Variants in ZSCAN29 observed in about 807,000 individuals in gnomAD.
ZSCAN29 encodes the protein zinc finger and SCAN domain containing 29.
ZSCAN29 carries 55 observed loss-of-function variants against 71.9 expected under a neutral mutation model. That is an observed-to-expected ratio of 0.76 (90% CI 0.62 to 0.96). The LOEUF is 0.96. ZSCAN29 is among the 40% of genes least tolerant of loss of function. The probability of loss-of-function intolerance (pLI) is 0.00; values close to 1 mark genes in which losing one functional copy is unlikely to be tolerated. For synonymous variants in ZSCAN29, 351 were observed against 371.6 expected (o/e 0.94, Z 0.64); for missense variants, 1,042 against 1,042.2 (o/e 1.00, Z 0.00).
rs1402904724 is a variant in ZSCAN29, at chr15:43,359,713, C to T, written c.*1360G>A. ...TGTCACCACATGCAGCTGCGTTGCT[C>T]TGTGGAACTTCTGGACCACAAGAGA... is the stretch of plus-strand genomic sequence containing the variant. On this transcript the variant is annotated 3_prime_UTR_variant, in exon 6 of 6. Coordinates refer to ENST00000684362, the MANE Select transcript of ZSCAN29 (RefSeq NM_001372080.1). 2 of 152,256 alleles carry T rather than the reference C, an allele frequency of 1.3e-5. No individual in the cohort carries two copies. The highest frequency in any genetic ancestry group is 4.8e-5 in the African/African-American group (2 of 41,456). The allele number at this position is 152,256 out of a possible 1,614,324, so 9.4% of individuals were successfully genotyped here.
Position 43,360,998 on chromosome 15 carries a change from G to A in ZSCAN29, c.*75C>T. The stretch of plus-strand genomic sequence containing the variant: ...TAAGCTAACTGGACACAGAATAGTA[G>A]ATGAATCTCACTATTGGAAGACTTT... On this transcript the variant is annotated 3_prime_UTR_variant, in exon 6 of 6. Coordinates refer to ENST00000684362, the MANE Select transcript of ZSCAN29 (RefSeq NM_001372080.1). 1 of 1,479,800 alleles carries A rather than the reference G, an allele frequency of 6.8e-7. No homozygotes were observed. Among genetic ancestry groups the A allele is most frequent in the South Asian group, 1.4e-5 (1 of 72,950 alleles). 91.7% of individuals were successfully genotyped at this position (1,479,800 alleles called of 1,614,324 possible). A position where few individuals can be genotyped will look rare whatever the true frequency, so the allele number is the denominator to read the frequency against.
intron 4 of ZSCAN29, 154 bp from the exon 5 acceptor site, chr15:43,364,536 A>G (rs889283193): frequency 2.1e-5 from 16 of 759,558 alleles, no homozygotes; most frequent in East Asian, 8.0e-5. Context: ...CCACAAACTC[A>G]GTATAGAATG....
At position 43,361,173 on chromosome 15, in the gene ZSCAN29, C is replaced by A; in HGVS notation, c.2459G>T (p.Cys820Phe). The A allele has an allele frequency of 6.2e-7, 1 of 1,614,202 alleles. No homozygotes were observed. Among genetic ancestry groups the A allele is most frequent in the African/African-American group, 1.3e-5 (1 of 75,046 alleles). The change falls in exon 6 of 6, where the codon TGT (cysteine) becomes TTT (phenylalanine). Residue 820 changes from cysteine (C) to phenylalanine (F), a missense_variant. By Grantham distance (205) the Cys-to-Phe change is radical. Transcript: ENST00000684362. ...ACTGAAGCACTTACCACAGTCATGA[C>A]ACCCATAGGGTTTCTCTCCTGTGTG... ...RTHTGEKPYG[C>F]HDCGKCFSKS... is the part of the protein sequence containing the mutation.
rs751287294 is a variant in ZSCAN29, at chr15:43,361,258, A to G, written c.2374T>C (p.Cys792Arg). The change falls in exon 6 of 6, where the codon TGT becomes CGT. Residue 792 changes from cysteine (C) to arginine (R), a missense_variant. By Grantham distance (180) the Cys-to-Arg change is radical. Transcript: ENST00000684362. ...RIHTGERPHV[C>R]PDCGKSFSKS... ...CTGAAACTCTTTCCACAGTCAGGAC[A>G]CACATGGGGTCTCTCTCCTGTGTGT... 1.9e-6 allele frequency: 3 copies of G among 1,614,202 alleles called. No individual in the cohort carries two copies. The highest frequency in any genetic ancestry group is 2.2e-5 in the East Asian group (1 of 44,880).
chr15:43,367,715 A>G (rs1246594610), intron 3 of ZSCAN29, among the ~76,000 whole-genome samples: 1 of 152,208 alleles, frequency 6.6e-6, no homozygotes, highest in African/African-American at 2.4e-5. Context: ...TTCTTATTGC[A>G]GAGTACCCTG....
Position 43,364,156 on chromosome 15 carries a change from G to A in ZSCAN29, c.1449C>T (p.Thr483=), listed in dbSNP as rs779694314. ...RKVKNGQAPE[T]CPFFEEMDAL... ...CATCCATCTCTTCAAAGAAGGGACA[G>A]GTCTCTGGTGCCTGGCCATTCTTAA... Residue 483 remains threonine, a synonymous_variant, in exon 5 of 6, where the codon ACC becomes ACT. Transcript: ENST00000684362. The A allele has an allele frequency of 1.9e-6, 3 of 1,614,198 alleles. No homozygotes were observed. Among genetic ancestry groups the A allele is most frequent in the Non-Finnish European group, 2.5e-6 (3 of 1,180,038 alleles).
chr15:43,361,382 G>T lies in ZSCAN29; in HGVS notation c.2250C>A (p.Ile750=). The change falls in exon 6 of 6, where the codon ATC becomes ATA. Residue 750 remains isoleucine, a synonymous_variant. Transcript: ENST00000684362. ...CTCCTGTGTGGGTTCTCTGGTGAAT[G>T]ATAAGGCTTGAGCTCTGATTGAAGC... ...GKCFNQSSSL[I]IHQRTHTGEK... is the part of the protein sequence containing the mutation. 6.2e-7 allele frequency: 1 copy of T among 1,614,004 alleles called. No homozygotes were observed. Among genetic ancestry groups the T allele is most frequent in the Non-Finnish European group, 8.5e-7 (1 of 1,180,002 alleles).
chr15:43,367,726 C>CAAGAT (rs1449214651), intron 3 of ZSCAN29, among the ~76,000 whole-genome samples: 1 of 152,178 alleles, frequency 6.6e-6, no homozygotes, highest in Non-Finnish European at 1.5e-5. Context: ...GAGTACCCTG[C>CAAGAT]AAGATGTTGA....
intron 5 of ZSCAN29, among the ~76,000 whole-genome samples, chr15:43,362,622 T>TC (rs1178357180): frequency 1.3e-5 from 2 of 152,160 alleles, no homozygotes; most frequent in Non-Finnish European, 2.9e-5. Flanking sequence ...GCATGTTGAG[T>TC]ATCAGCCCAT....
chr15:43,364,086 C>T lies in ZSCAN29; in HGVS notation c.1519G>A (p.Glu507Lys). ...RVAAPPNDGQ[E>K]ETASCPVQGT... ...TGGACGGGGCAAGAAGCAGTCTCTT[C>T]CTGGCCATCATTGGGTGGGGCAGCA... is the stretch of plus-strand genomic sequence containing the variant. Residue 507 changes from glutamate (E) to lysine (K), a missense_variant, in exon 5 of 6, where the codon GAA (glutamate) becomes AAA (lysine). Physicochemically the swap from Glu to Lys is moderately conservative, Grantham distance 56. Coordinates refer to ENST00000684362, the MANE Select transcript of ZSCAN29 (RefSeq NM_001372080.1). The T allele has an allele frequency of 1.9e-6, 3 of 1,614,180 alleles. No individual in the cohort carries two copies. Among genetic ancestry groups the T allele is most frequent in the Non-Finnish European group, 2.5e-6 (3 of 1,180,032 alleles).
In ZSCAN29 at chr15:43,358,318, T is replaced by C. The variant is rs1327545209; in HGVS notation, c.*2755A>G. ...GAATATCTGTTGATACCACAACCAA[T>C]GCTTTTCCCACGAGACTATACATAG... On this transcript the variant is annotated 3_prime_UTR_variant, in exon 6 of 6. Transcript: ENST00000684362. 1 of 152,498 alleles carries C rather than the reference T, an allele frequency of 6.6e-6. No individual in the cohort carries two copies. The highest frequency in any genetic ancestry group is 2.4e-5 in the African/African-American group (1 of 41,414). 9.4% of individuals were successfully genotyped at this position (152,498 alleles called of 1,614,324 possible).
In ZSCAN29 at chr15:43,359,166, G is replaced by GA. The variant is rs1249618509; in HGVS notation, c.*1906dup. The GA allele has an allele frequency of 1.3e-5, 2 of 152,088 alleles. No individual in the cohort carries two copies. Among genetic ancestry groups the GA allele is most frequent in the Admixed American group, 1.3e-4 (2 of 15,270 alleles). The allele number at this position is 152,088 out of a possible 1,614,324, so 9.4% of individuals were successfully genotyped here. ...TTCATGAAGCCTTCCTGAATAAAGA[G>GA]AAAAAATACCTCCCAGATTTTTGTT... On this transcript the variant is annotated 3_prime_UTR_variant, in exon 6 of 6. Coordinates refer to ENST00000684362, the MANE Select transcript of ZSCAN29 (RefSeq NM_001372080.1).
chr15:43,364,580 G>A (rs2044017265), intron 4 of ZSCAN29, 198 bp from the exon 5 acceptor site: 1 of 679,402 alleles, frequency 1.5e-6, no homozygotes, highest in African/African-American at 1.8e-5. Context: ...CAATTTCACA[G>A]AGACCTTTAT....
chr15:43,369,350 G>GAAA, intron 2 of ZSCAN29: 2 of 476,876 alleles, frequency 4.2e-6, no homozygotes, highest in South Asian at 3.7e-5. Flanking sequence ...CCTTCAGGCT[G>GAAA]AAAAAAAAAA....
Position 43,364,230 on chromosome 15 carries a change from C to T in ZSCAN29, c.1375G>A (p.Glu459Lys). 1 of 1,614,194 alleles carries T rather than the reference C, an allele frequency of 6.2e-7. No homozygotes were observed. The highest frequency in any genetic ancestry group is 8.5e-7 in the Non-Finnish European group (1 of 1,180,040). Residue 459 changes from glutamate to lysine, a missense_variant, in exon 5 of 6, where the codon GAA (glutamate) becomes AAA (lysine). By Grantham distance (56) the Glu-to-Lys change is moderately conservative (BLOSUM62 1). Coordinates refer to ENST00000684362, the MANE Select transcript of ZSCAN29 (RefSeq NM_001372080.1). ...LWEYGFLRTP[E>K]QCRTKFKSLQ... is the part of the protein sequence containing the mutation. ...CTTTTAAACTTGGTCCGACACTGTT[C>T]TGGGGTCCTAAGAAAGCCATATTCC...
rs762865912 is a variant in ZSCAN29 at position 43,369,143 on chromosome 15, G to A, written c.319-16C>T. ...AGACTGTGACCTAGAAACAACCCCC[G>A]TTAATTGTCACTGCAAGATCATAAT... On this transcript the variant is annotated splice_polypyrimidine_tract_variant and intron_variant, in intron 2 of 5. Coordinates refer to ENST00000684362, the MANE Select transcript of ZSCAN29 (RefSeq NM_001372080.1). 1.7e-5 allele frequency: 26 copies of A among 1,534,000 alleles called. No individual in the cohort carries two copies. Among genetic ancestry groups the A allele is most frequent in the Admixed American group, 6.0e-5 (3 of 50,236 alleles).
At position 43,361,252 on chromosome 15, in the gene ZSCAN29, C is replaced by G. The variant is rs1222911805; in HGVS notation, c.2380G>C (p.Asp794His). ...HTGERPHVCP[D>H]CGKSFSKSSD... ...CTCTTACTGAAACTCTTTCCACAGT[C>G]AGGACACACATGGGGTCTCTCTCCT... Residue 794 changes from aspartate to histidine, a missense_variant, in exon 6 of 6, where the codon GAC becomes CAC. Transcript: ENST00000684362. 6.2e-7 allele frequency: 1 copy of G among 1,614,208 alleles called. No homozygotes were observed. The highest frequency in any genetic ancestry group is 8.5e-7 in the Non-Finnish European group (1 of 1,180,030).
In ZSCAN29 at chr15:43,360,987, A is replaced by G; in HGVS notation, c.*86T>C. 1.4e-6 allele frequency: 2 copies of G among 1,473,552 alleles called. No homozygotes were observed. Among genetic ancestry groups the G allele is most frequent in the South Asian group, 1.4e-5 (1 of 71,088 alleles). The allele number at this position is 1,473,552 out of a possible 1,614,324, so 91.3% of individuals were successfully genotyped here. A position where few individuals can be genotyped will look rare whatever the true frequency, so the allele number is the denominator to read the frequency against. ...AGTGAATTTCCTAAGCTAACTGGAC[A>G]CAGAATAGTAGATGAATCTCACTAT... On this transcript the variant is annotated 3_prime_UTR_variant, in exon 6 of 6. Transcript: ENST00000684362.
At position 43,359,700 on chromosome 15, in the gene ZSCAN29, C is replaced by G. The variant is rs990810671; in HGVS notation, c.*1373G>C. ...TAACTGCTCTACCTGTCACCACATG[C>G]AGCTGCGTTGCTCTGTGGAACTTCT... On this transcript the variant is annotated 3_prime_UTR_variant, in exon 6 of 6. Transcript: ENST00000684362. 1 of 152,242 alleles carries G rather than the reference C, an allele frequency of 6.6e-6. No individual in the cohort carries two copies. Among genetic ancestry groups the G allele is most frequent in the African/African-American group, 2.4e-5 (1 of 41,466 alleles). 9.4% of individuals were successfully genotyped at this position (152,242 alleles called of 1,614,324 possible).
Sources: allele counts gnomAD v4.1 joint callset (sites outside exome capture counted in the v4.1 genomes callset), GRCh38; gene constraint gnomAD v4.1.1; transcripts MANE v1.5; gene names NCBI Gene and HGNC (gene_info 2026-07-23, HGNC 2026-07-21).